TBC1D12: variants seen among roughly 807,000 people sequenced by gnomAD.
TBC1D12 encodes TBC1 domain family member 12, also known as TBC1 domain family, member 12.
Under a neutral mutation model 86.7 loss-of-function variants are expected in TBC1D12, and 56 were observed. The ratio of observed to expected loss-of-function variants is 0.65; its 90% CI spans 0.52 to 0.81. The LOEUF (loss-of-function observed/expected upper bound fraction) is 0.81, where lower values mean the gene tolerates loss of function less well. TBC1D12 is among the 30% of genes least tolerant of loss of function. The pLI is 0.00. For missense variants in TBC1D12, 1,023 were observed against 1,038.8 expected (o/e 0.98, Z 0.21); for synonymous variants, 421 against 411.7 (o/e 1.02, Z -0.27).
rs549410390 is a variant in TBC1D12 at position 94,484,503 on chromosome 10, G to T, written c.1212-8862G>T. On this transcript the variant is annotated intron_variant, in intron 3 of 12. Transcript: ENST00000225235. The stretch of plus-strand genomic sequence containing the variant: ...GATCCACCCACCTCAGCCTCCCAAA[G>T]TGCTGGGATTACAGGCGTGAGCCAC... Among the ~76,000 whole-genome samples, 229 of 152,160 alleles carry T rather than the reference G, an allele frequency of 1.5e-3. 1 individual carries two copies. Among genetic ancestry groups the T allele is most frequent in the Non-Finnish European group, 5.0e-4 (34 of 68,004 alleles).
Position 94,504,656 on chromosome 10 carries a change from A to G in TBC1D12, c.1520-2611A>G, listed in dbSNP as rs537456426. On this transcript the variant is annotated intron_variant, in intron 6 of 12. Transcript: ENST00000225235. ...TCAAATCTTGGTTCCACCATAATAT[A>G]TTAGGTTTGTGACCTTGGGCATATT... Among the ~76,000 whole-genome samples, 12 of 152,312 alleles carry G rather than the reference A, an allele frequency of 7.9e-5. No individual in the cohort carries two copies. In the South Asian group the frequency reaches 2.3e-3, roughly 29 times the overall value.
At chr10:94,442,250 G>T (rs947198149) in intron 2 of TBC1D12, among the ~76,000 whole-genome samples, 2 of 151,568 alleles carry the variant, frequency 1.3e-5, no homozygotes, top group African/African-American at 4.8e-5. Context: ...CAAATAGAAC[G>T]TAGACTTTTT....
intron 2 of TBC1D12, among the ~76,000 whole-genome samples, chr10:94,450,440 A>G (rs182034575): frequency 2.0e-5 from 3 of 152,110 alleles, no homozygotes; most frequent in African/African-American, 7.2e-5. Context: ...GAAAAAGCAA[A>G]CAGGAATGAA....
intron 11 of TBC1D12, among the ~76,000 whole-genome samples, chr10:94,527,044 T>A (rs771001542): frequency 6.6e-6 from 1 of 151,552 alleles, no homozygotes; most frequent in Non-Finnish European, 1.5e-5. Context: ...TTGAGCAATG[T>A]CTGTTCAGAT....
At position 94,475,411 on chromosome 10, in the gene TBC1D12, GT is replaced by G. The variant is rs2055974827; in HGVS notation, c.1211+631del. ...ATACATTTCTTATTTATTTATGTTT[GT>G]TTGTTTTGTTTTATTTATTTTTAAT... is the stretch of plus-strand genomic sequence containing the variant. On this transcript the variant is annotated intron_variant, in intron 3 of 12. Transcript: ENST00000225235. Among the ~76,000 whole-genome samples the G allele has an allele frequency of 5.9e-5, 9 of 152,142 alleles. No homozygotes were observed. In the South Asian group the frequency reaches 1.9e-3, roughly 32 times the overall value.
intron 2 of TBC1D12, among the ~76,000 whole-genome samples, chr10:94,465,668 ATATGTGTG>A (rs748378036): frequency 2.9e-3 from 245 of 83,614 alleles, no homozygotes; most frequent in Non-Finnish European, 5.6e-3. Context: ...ATATATATAT[ATATGTGTG>A]TGTGTGTGTG....
chr10:94,459,054 GATTGGTCCATTTTACAGAGAGCT>G (rs1456916019), intron 2 of TBC1D12, among the ~76,000 whole-genome samples: 9 of 336 alleles, frequency 0.027, no homozygotes, highest in African/African-American at 0.17. Context: ...GCAGCCTACT[GATTGGTCCATTTTACAGAGAGCT>G]GATTGGTCCA....
chr10:94,438,794 G>GTT (rs908580508), intron 1 of TBC1D12, among the ~76,000 whole-genome samples: 1 of 147,652 alleles, frequency 6.8e-6, no homozygotes, highest in Non-Finnish European at 1.5e-5. Context: ...GTTACTCTTA[G>GTT]TTTTTTTTTT....
intron 9 of TBC1D12, among the ~76,000 whole-genome samples, chr10:94,517,074 ATATAT>A (rs1229824490): frequency 6.6e-6 from 1 of 152,050 alleles, no homozygotes; most frequent in Non-Finnish European, 1.5e-5. Context: ...AAGAAAAAAA[ATATAT>A]TAAAATTATA....
intron 3 of TBC1D12, among the ~76,000 whole-genome samples, chr10:94,486,860 T>C (rs1448589842): frequency 6.6e-6 from 1 of 152,216 alleles, no homozygotes; most frequent in Non-Finnish European, 1.5e-5. Context: ...CCAATGTTTC[T>C]TTGTTGATTT....
rs918360848 is a variant in TBC1D12 at position 94,403,366 on chromosome 10, C to T, written c.753C>T (p.Thr251=). The T allele has an allele frequency of 4.6e-6, 7 of 1,529,700 alleles. No individual in the cohort carries two copies. The highest frequency in any genetic ancestry group is 5.3e-6 in the Non-Finnish European group (6 of 1,139,014). 94.8% of individuals were successfully genotyped at this position (1,529,700 alleles called of 1,614,324 possible). ...CCGAGGAGGGCGCGCCCCCTGCCAC[C>T]TCGGCCGAGAGGACTAATGGGGGTG... ...GGPEEGAPPA[T]SAERTNGGAE... The change falls in exon 1 of 13, where the codon ACC becomes ACT. Residue 251 remains threonine (T), a synonymous_variant. Coordinates refer to ENST00000225235, the MANE Select transcript of TBC1D12 (RefSeq NM_015188.2).
chr10:94,438,151 TGACAACTGGATACTCTGA>T (rs1038825985), intron 1 of TBC1D12, among the ~76,000 whole-genome samples: 3 of 152,104 alleles, frequency 2.0e-5, no homozygotes, highest in Admixed American at 1.3e-4. Flanking sequence ...TTTTTGTTGT[TGACAACTGGATACTCTGA>T]GTATTATAGT....
intron 6 of TBC1D12, among the ~76,000 whole-genome samples, chr10:94,500,968 A>G (rs2056387660): frequency 1.3e-5 from 2 of 152,116 alleles, no homozygotes; most frequent in African/African-American, 2.4e-5. Context: ...AGGTGGAAGA[A>G]TCACTTGAAC....
chr10:94,428,488 A>G (rs2055175558), intron 1 of TBC1D12, among the ~76,000 whole-genome samples: 1 of 151,270 alleles, frequency 6.6e-6, no homozygotes, highest in Admixed American at 6.6e-5. Flanking sequence ...GGGTTTTGCC[A>G]TGTTAGACAG....
At chr10:94,504,953 A>C (rs1231288703) in intron 6 of TBC1D12, among the ~76,000 whole-genome samples, 1 of 152,172 alleles carries the variant, frequency 6.6e-6, no homozygotes, top group African/African-American at 2.4e-5. Context: ...TGACATGAGG[A>C]CCTAAGCATC....
chr10:94,474,623 A>G, intron 2 of TBC1D12, 45 bp from the exon 3 acceptor site: 1 of 1,376,192 alleles, frequency 7.3e-7, no homozygotes, highest in Non-Finnish European at 1.0e-6. Flanking sequence ...AGTACAAACT[A>G]TGTTGGAGCA....
At position 94,474,775 on chromosome 10, in the gene TBC1D12, T is replaced by C; in HGVS notation, c.1203T>C (p.Asp401=). Residue 401 remains aspartate, a synonymous_variant, in exon 3 of 13, where the codon GAT becomes GAC. Coordinates refer to ENST00000225235, the MANE Select transcript of TBC1D12 (RefSeq NM_015188.2). Reference sequence around the variant, plus strand: ...CTACCACTGCCTTGATTCTTGAGGATCGACCATCGTAAGTATTTTAGTGAT... The same window carrying C: ...CTACCACTGCCTTGATTCTTGAGGACCGACCATCGTAAGTATTTTAGTGAT... The part of the protein sequence containing the change: ...PLSTTALILE[D]RPSNLPAKSV... 1 of 1,613,648 alleles carries C rather than the reference T, an allele frequency of 6.2e-7. No homozygotes were observed.
At chr10:94,410,103 C>T (rs542814095) in intron 1 of TBC1D12, among the ~76,000 whole-genome samples, 43 of 152,212 alleles carry the variant, frequency 2.8e-4, no homozygotes, top group African/African-American at 1.0e-3. Context: ...CTATGATCAC[C>T]TTATTCATGC....
At chr10:94,530,235 C>T (rs932502690) in intron 11 of TBC1D12, among the ~76,000 whole-genome samples, 5 of 152,188 alleles carry the variant, frequency 3.3e-5, no homozygotes, top group African/African-American at 1.2e-4. Flanking sequence ...TCCCCACTTC[C>T]CCCAACCAGA....
Sources: gnomAD v4.1 joint callset for allele counts (sites outside exome capture counted in the v4.1 genomes callset) on GRCh38, gnomAD v4.1.1 for gene constraint, MANE v1.5 for transcripts, NCBI Gene and HGNC (gene_info 2026-07-23, HGNC 2026-07-21) for gene names.